SGK3: variants seen among roughly 807,000 people sequenced by gnomAD.
SGK3 encodes the protein serum/glucocorticoid regulated kinase family member 3, also known as serine/threonine-protein kinase Sgk3.
In SGK3, 47 loss-of-function variants were observed where a neutral mutation model predicts 68.5. That is an observed-to-expected ratio of 0.69 (90% CI 0.54 to 0.87). SGK3 has a LOEUF of 0.87. Ranked by LOEUF, SGK3 falls within the 40% of genes least tolerant of loss-of-function variation. SGK3 has a pLI of 0.00. For missense variants in SGK3, 479 were observed against 575.5 expected (o/e 0.83, Z 1.72); for synonymous variants, 181 against 189.1 (o/e 0.96, Z 0.35).
intron 1 of SGK3, chr8:66,767,842 G>A: frequency 6.9e-7 from 1 of 1,441,210 alleles, no homozygotes; most frequent in African/African-American, 1.4e-5. Context: ...TTTAGGTAAG[G>A]ATGTGGGAGC....
At chr8:66,744,805 CT>C (rs111235370) in intron 1 of SGK3, among the ~76,000 whole-genome samples, 39 of 142,686 alleles carry the variant, frequency 2.7e-4, no homozygotes, top group Admixed American at 2.8e-4. Context: ...CATGCCTAGC[CT>C]TTTTTTTTTT....
chr8:66,836,545 G>T (rs1372695648), intron 10 of SGK3, among the ~76,000 whole-genome samples: 2 of 151,680 alleles, frequency 1.3e-5, no homozygotes, highest in African/African-American at 4.8e-5. Flanking sequence ...GGAGGCTGAG[G>T]CAGAAGGATC....
At chr8:66,789,313 G>A (rs768918715) in intron 1 of SGK3, among the ~76,000 whole-genome samples, 27 of 152,080 alleles carry the variant, frequency 1.8e-4, no homozygotes, top group Non-Finnish European at 3.5e-4. Context: ...TTTTGATAGT[G>A]GTACTGATTT....
intron 1 of SGK3, among the ~76,000 whole-genome samples, chr8:66,771,036 T>C (rs532945546): frequency 9.9e-5 from 15 of 152,230 alleles, no homozygotes; most frequent in Non-Finnish European, 2.2e-4. Flanking sequence ...ATATTTTTTC[T>C]GTCTCTTTTT....
intron 1 of SGK3, among the ~76,000 whole-genome samples, chr8:66,786,049 T>C (rs1807185926): frequency 6.6e-6 from 1 of 152,210 alleles, no homozygotes; most frequent in Non-Finnish European, 1.5e-5. Flanking sequence ...TTGTGGGTTT[T>C]TATGTCAATC....
chr8:66,847,438 GA>G, intron 15 of SGK3, 90 bp downstream of exon 15: 1 of 1,526,358 alleles, frequency 6.6e-7, no homozygotes, highest in Non-Finnish European at 8.8e-7. Flanking sequence ...TTAATGGAAT[GA>G]ATACAATATG....
chr8:66,758,002 C>G (rs941015834), intron 1 of SGK3, among the ~76,000 whole-genome samples: 1 of 143,032 alleles, frequency 7.0e-6, no homozygotes, highest in African/African-American at 2.7e-5. Context: ...TATATATACA[C>G]ACACACACTA....
chr8:66,758,121 A>C (rs1220268103), intron 1 of SGK3, among the ~76,000 whole-genome samples: 2 of 151,802 alleles, frequency 1.3e-5, no homozygotes, highest in African/African-American at 2.4e-5. Context: ...TGGGAGGCCA[A>C]GGCGGGTGGA....
In SGK3 at chr8:66,859,626, TG is replaced by T; in HGVS notation, c.*48del. 6.4e-7 allele frequency: 1 copy of T among 1,555,440 alleles called. No homozygotes were observed. The highest frequency in any genetic ancestry group is 8.7e-7 in the Non-Finnish European group (1 of 1,142,948). ...CCATTGAGCAAAATAAGTCTATAGA[TG>T]GGACTGAAACTTCTATTTGTGTGAA... On this transcript the variant is annotated 3_prime_UTR_variant, in exon 17 of 17. Transcript: ENST00000521198.
intron 4 of SGK3, among the ~76,000 whole-genome samples, chr8:66,807,077 A>G (rs1808199097): frequency 6.6e-6 from 1 of 152,182 alleles, no homozygotes; most frequent in South Asian, 2.1e-4. Flanking sequence ...CTGGCATTAG[A>G]TAATGAGTAT....
intron 1 of SGK3, among the ~76,000 whole-genome samples, chr8:66,754,359 T>A (rs1035960414): frequency 6.6e-6 from 1 of 152,172 alleles, no homozygotes; most frequent in Non-Finnish European, 1.5e-5. Context: ...TAATTAATGA[T>A]TGAGACAGGA....
chr8:66,752,602 G>C (rs528131455), intron 1 of SGK3, among the ~76,000 whole-genome samples: 2 of 151,916 alleles, frequency 1.3e-5, no homozygotes, highest in Non-Finnish European at 2.9e-5. Context: ...CTGGGGGGGT[G>C]GGGGAGACAG....
chr8:66,834,913 C>T (rs1809456437), intron 8 of SGK3, among the ~76,000 whole-genome samples: 1 of 146,570 alleles, frequency 6.8e-6, no homozygotes, highest in Admixed American at 6.9e-5. Flanking sequence ...GCACTCCAGC[C>T]TGGGCGACAG....
chr8:66,716,524 C>G (rs1586663220), intron 1 of SGK3, among the ~76,000 whole-genome samples: 2 of 115,472 alleles, frequency 1.7e-5, no homozygotes, highest in Non-Finnish European at 3.1e-5. Context: ...GGCCACTGTT[C>G]TTCTATTACG....
intron 2 of SGK3, among the ~76,000 whole-genome samples, chr8:66,795,733 A>T (rs1300563808): frequency 6.6e-6 from 1 of 152,126 alleles, no homozygotes; most frequent in Admixed American, 6.6e-5. Flanking sequence ...AAATCACCTT[A>T]TTCGTTTACT....
chr8:66,751,568 G>A (rs1456711948), intron 1 of SGK3, among the ~76,000 whole-genome samples: 1 of 151,908 alleles, frequency 6.6e-6, no homozygotes, highest in Non-Finnish European at 1.5e-5. Flanking sequence ...TTATGTTAAT[G>A]AATTATAAAT....
chr8:66,798,376 T>C (rs1375974675), intron 2 of SGK3, among the ~76,000 whole-genome samples, 166 bp from the exon 3 acceptor site: 5 of 150,768 alleles, frequency 3.3e-5, no homozygotes, highest in African/African-American at 9.8e-5. Context: ...GAGAATCATA[T>C]AAAAATGTTA....
chr8:66,814,941 A>G (rs186859679), intron 5 of SGK3, among the ~76,000 whole-genome samples: 208 of 152,354 alleles, frequency 1.4e-3, no homozygotes, highest in African/African-American at 4.7e-3. Flanking sequence ...AAAGTATTCT[A>G]AGAGGAAATG....
chr8:66,839,994 A>G lies in SGK3; in HGVS notation c.742-9A>G, dbSNP rs1303780159. 3 of 1,598,296 alleles carry G rather than the reference A, an allele frequency of 1.9e-6. No individual in the cohort carries two copies. Among genetic ancestry groups the G allele is most frequent in the East Asian group, 2.3e-5 (1 of 43,594 alleles). On this transcript the variant is annotated splice_polypyrimidine_tract_variant and intron_variant, in intron 10 of 16. Transcript: ENST00000521198. The stretch of plus-strand genomic sequence containing the variant: ...CTCTCTCCCCCCACCCCCACAACCA[A>G]TTTGACAGCTTTTTTTCCACTTACA...
Sources: gnomAD v4.1 joint callset for allele counts (sites outside exome capture counted in the v4.1 genomes callset) on GRCh38, gnomAD v4.1.1 for gene constraint, MANE v1.5 for transcripts, NCBI Gene and HGNC (gene_info 2026-07-23, HGNC 2026-07-21) for gene names.